Variants in FOXN3 observed in about 807,000 individuals in gnomAD.
The protein encoded by FOXN3 is forkhead box protein N3.
In FOXN3, 7 loss-of-function variants were observed where a neutral mutation model predicts 38.4. The ratio of observed to expected loss-of-function variants is 0.18; its 90% confidence interval spans 0.10 to 0.34. FOXN3 has a LOEUF of 0.34. Among genes scored for constraint, FOXN3 ranks in the 10% least tolerant of loss-of-function variants. The pLI, the probability that FOXN3 is intolerant of heterozygous loss-of-function variation, is 1.00. For synonymous variants in FOXN3, 230 were observed against 242.2 expected (o/e 0.95, Z 0.47); for missense variants, 456 against 613.4 (o/e 0.74, Z 2.71).
rs1555407814 is a variant in FOXN3 at position 89,161,594 on chromosome 14, T to TGTGC, written c.*816_*819dup. Reference sequence around the variant, plus strand: ...GTGTGTGTGTGTGTGTGTGTGTGTGTGTGCGTGCGTGCACAGGGCCAATCT... The same window carrying TGTGC: ...GTGTGTGTGTGTGTGTGTGTGTGTGTGTGCGTGCGTGCGTGCACAGGGCCAATCT... On this transcript the variant is annotated 3_prime_UTR_variant, in exon 6 of 6. Coordinates refer to ENST00000557258, the MANE Select transcript of FOXN3 (RefSeq NM_005197.4). The TGTGC allele has an allele frequency of 8.9e-3, 1,226 of 138,418 alleles. 9 individuals are homozygous for TGTGC. Among genetic ancestry groups the TGTGC allele is most frequent in the Non-Finnish European group, 0.013 (834 of 62,328 alleles). The allele number at this position is 138,418 out of a possible 1,614,324, so 8.6% of individuals were successfully genotyped here.
At chr14:89,313,555 TTAAA>T (rs1887632017) in intron 3 of FOXN3, among the ~76,000 whole-genome samples, 1 of 135,324 alleles carries the variant, frequency 7.4e-6, no homozygotes. Flanking sequence ...AGATGCTGTC[TTAAA>T]AAAAAAAAAA....
At chr14:89,593,320 C>T (rs943964420) in intron 1 of FOXN3, among the ~76,000 whole-genome samples, 19 of 149,606 alleles carry the variant, frequency 1.3e-4, no homozygotes, top group African/African-American at 4.0e-4. Flanking sequence ...ATATATAAAT[C>T]AAAAAGAGAT....
chr14:89,397,525 C>CTG (rs1891132326), intron 2 of FOXN3, among the ~76,000 whole-genome samples: 1 of 151,500 alleles, frequency 6.6e-6, no homozygotes, highest in Non-Finnish European at 1.5e-5. Flanking sequence ...AAGCACTTGA[C>CTG]TCCTTTGTCT....
chr14:89,581,117 G>T (rs959917577), intron 1 of FOXN3, among the ~76,000 whole-genome samples: 9 of 152,104 alleles, frequency 5.9e-5, no homozygotes, highest in Admixed American at 2.6e-4. Context: ...GGAAGGTCGA[G>T]GCCACAGTGA....
chr14:89,366,215 T>C (rs1890139939), intron 2 of FOXN3, among the ~76,000 whole-genome samples: 1 of 150,190 alleles, frequency 6.7e-6, no homozygotes, highest in Non-Finnish European at 1.5e-5. Context: ...ATTGCACCAC[T>C]GCACTCCAGC....
intron 2 of FOXN3, among the ~76,000 whole-genome samples, chr14:89,370,399 C>A (rs1566970545): frequency 6.6e-6 from 1 of 152,200 alleles, no homozygotes; most frequent in African/African-American, 2.4e-5. Flanking sequence ...TGGGGTTGCC[C>A]CCATGACAAA....
At chr14:89,611,760 CGT>C in intron 1 of FOXN3, among the ~76,000 whole-genome samples, 2 of 143,624 alleles carry the variant, frequency 1.4e-5, no homozygotes, top group African/African-American at 5.4e-5. Context: ...GAGCCGAGAT[CGT>C]GCCACTGCAC....
At position 89,161,570 on chromosome 14, in the gene FOXN3, T is replaced by TGTGTGTGTGTGC. The variant is rs1555407801; in HGVS notation, c.*843_*844insGCACACACACAC. ...TCTCTCTCCTTCGTGTGTGTGTGTG[T>TGTGTGTGTGTGC]GTGTGTGTGTGTGTGTGTGTGTGTG... On this transcript the variant is annotated 3_prime_UTR_variant, in exon 6 of 6. Coordinates refer to ENST00000557258, the MANE Select transcript of FOXN3 (RefSeq NM_005197.4). 1.5e-5 allele frequency: 2 copies of TGTGTGTGTGTGC among 136,344 alleles called. No individual in the cohort carries two copies. Among genetic ancestry groups the TGTGTGTGTGTGC allele is most frequent in the African/African-American group, 6.0e-5 (2 of 33,260 alleles). 8.4% of individuals were successfully genotyped at this position (136,344 alleles called of 1,614,324 possible). A position where few individuals can be genotyped will look rare whatever the true frequency, so the allele number is the denominator to read the frequency against.
At chr14:89,441,753 AG>A (rs919150590) in intron 1 of FOXN3, among the ~76,000 whole-genome samples, 4 of 152,046 alleles carry the variant, frequency 2.6e-5, no homozygotes, top group African/African-American at 2.4e-5. Flanking sequence ...GAAAGGAGGG[AG>A]GGGGGTGGAA....
intron 1 of FOXN3, among the ~76,000 whole-genome samples, chr14:89,469,643 C>T (rs1311184093): frequency 6.6e-6 from 1 of 152,136 alleles, no homozygotes. Flanking sequence ...CTGCTTTGAT[C>T]GCCCTCTGGG....
chr14:89,235,449 T>C (rs1292359848), intron 4 of FOXN3, among the ~76,000 whole-genome samples: 1 of 151,408 alleles, frequency 6.6e-6, no homozygotes, highest in African/African-American at 2.4e-5. Context: ...ACCCTGGAGG[T>C]TTCCAAAAAA....
intron 1 of FOXN3, among the ~76,000 whole-genome samples, chr14:89,470,669 T>G (rs561297658): frequency 2.6e-5 from 4 of 152,316 alleles, no homozygotes; most frequent in African/African-American, 7.2e-5. Flanking sequence ...TATGTGGACA[T>G]GAATTTCTTT....
chr14:89,174,764 T>A (rs917231999), intron 5 of FOXN3, among the ~76,000 whole-genome samples: 1 of 152,220 alleles, frequency 6.6e-6, no homozygotes, highest in Admixed American at 6.5e-5. Flanking sequence ...ATTCAGTGCA[T>A]GCTTTGTGTA....
At chr14:89,372,385 A>T (rs757240115) in intron 2 of FOXN3, among the ~76,000 whole-genome samples, 1 of 152,228 alleles carries the variant, frequency 6.6e-6, no homozygotes, top group African/African-American at 2.4e-5. Context: ...TGCATCATCA[A>T]TGGTTACTAT....
At chr14:89,477,860 G>C (rs1021045607) in intron 1 of FOXN3, among the ~76,000 whole-genome samples, 3 of 151,768 alleles carry the variant, frequency 2.0e-5, no homozygotes, top group Non-Finnish European at 2.9e-5. Context: ...ATGTTGATGA[G>C]AACAACAGGA....
In FOXN3 at chr14:89,424,917, C is replaced by T. The variant is rs545304758; in HGVS notation, c.-14-12427G>A. Reference sequence around the variant, plus strand: ...ATCTGTGCCCAGCTGAGTTACCCCACATGACCAGAGCTACTAATGCTTCTC... The same window carrying T: ...ATCTGTGCCCAGCTGAGTTACCCCATATGACCAGAGCTACTAATGCTTCTC... On this transcript the variant is annotated intron_variant, in intron 1 of 6. Transcript: ENST00000345097. Among the ~76,000 whole-genome samples the T allele has an allele frequency of 1.6e-4, 25 of 152,246 alleles. 1 individual carries two copies. The South Asian group carries it at 4.8e-3, about 29-fold the overall frequency.
chr14:89,191,973 T>TATATAAAA (rs1481298307), intron 4 of FOXN3, among the ~76,000 whole-genome samples: 20 of 135,214 alleles, frequency 1.5e-4, no homozygotes, highest in African/African-American at 6.3e-4. Flanking sequence ...CACATATATA[T>TATATAAAA]AACTATAATA....
At chr14:89,432,084 A>G (rs1892171109) in intron 1 of FOXN3, among the ~76,000 whole-genome samples, 1 of 152,222 alleles carries the variant, frequency 6.6e-6, no homozygotes, top group Admixed American at 6.5e-5. Flanking sequence ...GAAATAGGAA[A>G]ATCATAAAGA....
intron 5 of FOXN3, among the ~76,000 whole-genome samples, chr14:89,171,402 A>G (rs1887384589): frequency 6.6e-6 from 1 of 152,200 alleles, no homozygotes; most frequent in African/African-American, 2.4e-5. Context: ...TGAAAGAATG[A>G]ATACGCCTCA....
Sources: gnomAD v4.1 joint callset for allele counts (sites outside exome capture counted in the v4.1 genomes callset) on GRCh38, gnomAD v4.1.1 for gene constraint, MANE v1.5 for transcripts, NCBI Gene and HGNC (gene_info 2026-07-23, HGNC 2026-07-21) for gene names.